The following EBF3 variants were observed in gnomAD, a reference collection of about 807,000 sequenced individuals.
The protein encoded by EBF3 is transcription factor COE3.
EBF3 carries 18 observed loss-of-function variants against 77.1 expected under a neutral mutation model. That is an observed-to-expected ratio of 0.23 (90% CI 0.16 to 0.35). The LOEUF is 0.35. EBF3 is among the 10% of genes least tolerant of loss of function. EBF3 has a pLI of 1.00. For synonymous variants in EBF3, 350 were observed against 343.5 expected (o/e 1.02, Z -0.21); for missense variants, 558 against 860.0 (o/e 0.65, Z 4.39).
intron 6 of EBF3, among the ~76,000 whole-genome samples, chr10:129,945,720 T>C (rs1252322953): frequency 6.6e-6 from 1 of 152,210 alleles, no homozygotes; most frequent in Non-Finnish European, 1.5e-5. Context: ...AGATAATTAC[T>C]GCTTCCCTGG....
At chr10:129,867,346 C>G (rs1852095821) in intron 9 of EBF3, 79 bp from the exon 10 acceptor site, 7 of 1,582,402 alleles carry the variant, frequency 4.4e-6, no homozygotes, top group Non-Finnish European at 8.6e-7. Flanking sequence ...GATATAATTA[C>G]CAAAATGAGC....
rs976595676 is a variant in EBF3 at position 129,962,985 on chromosome 10, G to A, written c.312C>T (p.Thr104=). Residue 104 remains threonine, a synonymous_variant, in exon 3 of 17, where the codon ACC becomes ACT. Coordinates refer to ENST00000440978, the MANE Select transcript of EBF3 (RefSeq NM_001375380.1). Reference sequence around the variant, plus strand: ...GGAGTTTATAGTGGATGCCGTTGTTGGTTTTCTCGTTGTTTGGCTCCTGAA... The same window carrying A: ...GGAGTTTATAGTGGATGCCGTTGTTAGTTTTCTCGTTGTTTGGCTCCTGAA... The part of the protein sequence containing the change: ...EKEKEPNNEK[T]NNGIHYKLQL... 1.2e-6 allele frequency: 2 copies of A among 1,613,980 alleles called. No homozygotes were observed. The highest frequency in any genetic ancestry group is 3.3e-5 in the Admixed American group (2 of 60,008).
chr10:129,881,336 T>A (rs1034753224), intron 6 of EBF3, among the ~76,000 whole-genome samples: 1 of 152,070 alleles, frequency 6.6e-6, no homozygotes, highest in Non-Finnish European at 1.5e-5. Flanking sequence ...TGTGCACTAA[T>A]TCCCTGACCC....
chr10:129,875,743 A>G (rs1000990382), intron 7 of EBF3, among the ~76,000 whole-genome samples: 4 of 152,142 alleles, frequency 2.6e-5, no homozygotes, highest in African/African-American at 7.2e-5. Context: ...ACCACTGCCC[A>G]CTGGCTTTGC....
At chr10:129,912,645 C>T (rs533933172) in intron 6 of EBF3, among the ~76,000 whole-genome samples, 40 of 152,312 alleles carry the variant, frequency 2.6e-4, no homozygotes, top group African/African-American at 9.1e-4. Context: ...CTGTTCCCAA[C>T]TGATTTCACA....
chr10:129,911,410 CCT>C (rs1855515895), intron 6 of EBF3, among the ~76,000 whole-genome samples: 1 of 152,222 alleles, frequency 6.6e-6, no homozygotes, highest in Non-Finnish European at 1.5e-5. Flanking sequence ...TGTCCTGGCT[CCT>C]CTCTCACTCC....
chr10:129,931,801 C>A (rs533704333), intron 6 of EBF3, among the ~76,000 whole-genome samples: 1 of 152,214 alleles, frequency 6.6e-6, no homozygotes, highest in Non-Finnish European at 1.5e-5. Flanking sequence ...GCTCCCTGAG[C>A]GACCCTGTGT....
intron 6 of EBF3, among the ~76,000 whole-genome samples, chr10:129,955,079 A>G (rs1858941240): frequency 6.6e-6 from 1 of 152,162 alleles, no homozygotes; most frequent in African/African-American, 2.4e-5. Context: ...TCACGTAGAA[A>G]TATGCCGTAA....
intron 6 of EBF3, 29 bp from the exon 7 acceptor site, chr10:129,877,878 A>G (rs1326078130): frequency 2.6e-6 from 4 of 1,565,238 alleles, no homozygotes; most frequent in Non-Finnish European, 3.5e-6. Context: ...GATGATATTT[A>G]TTAGGGTTAT....
At chr10:129,901,032 G>T (rs944962) in intron 6 of EBF3, among the ~76,000 whole-genome samples, 108,545 of 152,156 alleles carry the variant, frequency 0.71, 39,785 homozygotes, top group African/African-American at 0.89. Flanking sequence ...ATAATTCTTT[G>T]GGCTGGTAAG....
At chr10:129,962,307 T>C in intron 3 of EBF3, 81 bp from the exon 4 acceptor site, 1 of 1,377,610 alleles carries the variant, frequency 7.3e-7, no homozygotes, top group Non-Finnish European at 1.0e-6. Flanking sequence ...AGGAAGTCTG[T>C]AACTCAGGAC....
intron 10 of EBF3, among the ~76,000 whole-genome samples, chr10:129,851,456 T>C (rs1850875434): frequency 6.6e-6 from 1 of 152,192 alleles, no homozygotes; most frequent in Non-Finnish European, 1.5e-5. Context: ...TCCGAACACA[T>C]GTCACTGGGT....
chr10:129,950,493 C>A (rs1375116788), intron 6 of EBF3, among the ~76,000 whole-genome samples: 1 of 152,188 alleles, frequency 6.6e-6, no homozygotes, highest in East Asian at 1.9e-4. Flanking sequence ...GAATTGTTGG[C>A]AAATTTATAG....
At chr10:129,909,772 G>A (rs559924060) in intron 6 of EBF3, among the ~76,000 whole-genome samples, 1 of 152,154 alleles carries the variant, frequency 6.6e-6, no homozygotes, top group Non-Finnish European at 1.5e-5. Flanking sequence ...AGGCCCTGGG[G>A]TCCCCCCAGA....
At chr10:129,892,838 A>C (rs1006479873) in intron 6 of EBF3, among the ~76,000 whole-genome samples, 1 of 152,258 alleles carries the variant, frequency 6.6e-6, no homozygotes, top group African/African-American at 2.4e-5. Flanking sequence ...ACGCTTTCCC[A>C]ATCTGTGACA....
chr10:129,850,912 C>G lies in EBF3; in HGVS notation c.1040-2432G>C, dbSNP rs568737754. The stretch of plus-strand genomic sequence containing the variant: ...CAAGTTCCCCGACGGGAGGAGAAAG[C>G]ACCGGGGCCTCACACACATCTCATG... On this transcript the variant is annotated intron_variant, in intron 10 of 16. Transcript: ENST00000440978. 5.5e-4 allele frequency among the ~76,000 whole-genome samples: 84 copies of G among 152,334 alleles called. 3 individuals are homozygous for G. The highest frequency in any genetic ancestry group is 1.9e-3 in the African/African-American group (80 of 41,580).
intron 7 of EBF3, 79 bp downstream of exon 7, chr10:129,877,689 G>T: frequency 7.9e-7 from 1 of 1,261,296 alleles, no homozygotes; most frequent in South Asian, 1.3e-5. Context: ...ATTACTTCCT[G>T]AACAGTTGCA....
At chr10:129,896,761 C>T (rs1335271779) in intron 6 of EBF3, among the ~76,000 whole-genome samples, 2 of 152,210 alleles carry the variant, frequency 1.3e-5, no homozygotes, top group Admixed American at 1.3e-4. Flanking sequence ...CATCTCTTCC[C>T]AAAGCCCCCT....
intron 4 of EBF3, among the ~76,000 whole-genome samples, chr10:129,959,529 C>T (rs1362792595): frequency 6.6e-6 from 1 of 152,062 alleles, no homozygotes. Flanking sequence ...TTGCCAAGGG[C>T]CGAGGGCCGC....
Sources: allele counts gnomAD v4.1 joint callset (sites outside exome capture counted in the v4.1 genomes callset), GRCh38; gene constraint gnomAD v4.1.1; transcripts MANE v1.5; gene names NCBI Gene and HGNC (gene_info 2026-07-23, HGNC 2026-07-21).